The following RBMS3 variants were observed in gnomAD, a reference collection of about 807,000 sequenced individuals.
RBMS3 encodes RNA-binding motif, single-stranded-interacting protein 3.
A neutral mutation model predicts 66.8 loss-of-function variants in RBMS3; 27 were observed. That is an observed-to-expected ratio of 0.40 (90% confidence interval 0.30 to 0.56). The LOEUF is 0.56. Ranked by LOEUF, RBMS3 falls within the 20% of genes least tolerant of loss-of-function variation. The pLI, the probability that RBMS3 is intolerant of heterozygous loss-of-function variation, is 0.40. For missense variants in RBMS3, 513 were observed against 549.5 expected, an observed-to-expected ratio of 0.93 and a Z score of 0.66; for synonymous variants, 188 against 183.0, an observed-to-expected ratio of 1.03 and a Z score of -0.22.
intron 4 of RBMS3, among the ~76,000 whole-genome samples, chr3:29,636,098 C>T (rs1035825488): frequency 6.6e-6 from 1 of 151,326 alleles, no homozygotes; most frequent in African/African-American, 2.4e-5. Context: ...AAAGAATGTA[C>T]ACTGTGTAGA....
At chr3:29,947,230 T>G (rs1280655874) in intron 12 of RBMS3, among the ~76,000 whole-genome samples, 2 of 151,394 alleles carry the variant, frequency 1.3e-5, no homozygotes, top group Non-Finnish European at 3.0e-5. Flanking sequence ...CACAGTGGAC[T>G]TGAGGTGAAA....
chr3:29,337,934 AACAACTCTGTTGACTACCTT>A (rs1559498776), intron 1 of RBMS3, among the ~76,000 whole-genome samples: 1 of 152,170 alleles, frequency 6.6e-6, no homozygotes, highest in African/African-American at 2.4e-5. Context: ...TCACTTGGAA[AACAACTCTGTTGACTACCTT>A]ATAACCTTGG....
chr3:29,776,204 G>A (rs2056421242), intron 6 of RBMS3, among the ~76,000 whole-genome samples: 1 of 151,860 alleles, frequency 6.6e-6, no homozygotes, highest in Non-Finnish European at 1.5e-5. Flanking sequence ...AGATCCTCAC[G>A]GCCAGGATCC....
At chr3:29,921,202 A>C (rs565871935) in intron 10 of RBMS3, among the ~76,000 whole-genome samples, 28 of 151,870 alleles carry the variant, frequency 1.8e-4, no homozygotes, top group Non-Finnish European at 4.0e-4. Flanking sequence ...AGCTGGGATT[A>C]CAGGCGCCCG....
chr3:29,323,100 A>G (rs748971348), intron 1 of RBMS3, among the ~76,000 whole-genome samples: 1 of 152,162 alleles, frequency 6.6e-6, no homozygotes, highest in African/African-American at 2.4e-5. Flanking sequence ...TCAAGAAGTC[A>G]AGAAAGACTG....
At chr3:29,321,718 A>G (rs376713878) in intron 1 of RBMS3, among the ~76,000 whole-genome samples, 2 of 152,218 alleles carry the variant, frequency 1.3e-5, no homozygotes, top group South Asian at 2.1e-4. Flanking sequence ...ATCAATCCAA[A>G]TAATAAATTA....
At chr3:29,825,710 A>G (rs1243639513) in intron 6 of RBMS3, among the ~76,000 whole-genome samples, 1 of 152,194 alleles carries the variant, frequency 6.6e-6, no homozygotes, top group Non-Finnish European at 1.5e-5. Flanking sequence ...AGTCTTGGGT[A>G]TGTCTTTATT....
chr3:29,432,176 G>T (rs1294839763), intron 1 of RBMS3, among the ~76,000 whole-genome samples: 2 of 152,144 alleles, frequency 1.3e-5, no homozygotes, highest in Non-Finnish European at 2.9e-5. Flanking sequence ...AGAAAAGGAG[G>T]TTTCCAGGAG....
chr3:29,740,788 T>C (rs1313979692), intron 5 of RBMS3, among the ~76,000 whole-genome samples: 2 of 152,174 alleles, frequency 1.3e-5, no homozygotes, highest in Non-Finnish European at 2.9e-5. Flanking sequence ...ACGCCTGTAA[T>C]CTCAGCACTT....
intron 6 of RBMS3, among the ~76,000 whole-genome samples, chr3:29,795,517 G>C (rs1046912625): frequency 8.5e-5 from 13 of 152,256 alleles, no homozygotes; most frequent in South Asian, 2.1e-4. Context: ...TCAACTTTAT[G>C]AAATCCAGAA....
At chr3:29,366,861 A>G (rs2037937307) in intron 1 of RBMS3, among the ~76,000 whole-genome samples, 1 of 152,200 alleles carries the variant, frequency 6.6e-6, no homozygotes, top group South Asian at 2.1e-4. Flanking sequence ...CCATTTTTAA[A>G]AAATCTATAG....
In RBMS3 at chr3:29,482,701, C is replaced by CTTTCTTTCTT. The variant is rs759435190; in HGVS notation, c.249-5737_249-5736insCTTTCTTTTT. On this transcript the variant is annotated intron_variant, in intron 2 of 14. Coordinates refer to ENST00000383767, the MANE Select transcript of RBMS3 (RefSeq NM_001003793.3). ...AGTCTACCATTTTCTTTCTTTCTTTCTTTTTTTTTTTTTTTTTTTTTTTTG... is the reference window on the plus strand; with the variant it reads ...AGTCTACCATTTTCTTTCTTTCTTTCTTTCTTTCTTTTTTTTTTTTTTTTTTTTTTTTTTG... Among the ~76,000 whole-genome samples the CTTTCTTTCTT allele has an allele frequency of 7.0e-3, 539 of 77,494 alleles. 8 individuals carry two copies. Among genetic ancestry groups the CTTTCTTTCTT allele is most frequent in the Admixed American group, 0.013 (65 of 5,144 alleles). The allele number at this position is 77,494 out of a possible 152,430, so 50.8% of individuals were successfully genotyped here. A position where few individuals can be genotyped will look rare whatever the true frequency, so the allele number is the denominator to read the frequency against.
intron 3 of RBMS3, among the ~76,000 whole-genome samples, chr3:29,555,535 T>C (rs1274181781): frequency 2.0e-5 from 3 of 152,178 alleles, no homozygotes; most frequent in African/African-American, 7.2e-5. Context: ...CTTTTCATGC[T>C]GTGTTGCTGA....
chr3:29,574,859 A>ACACC (rs2149073138), intron 3 of RBMS3, among the ~76,000 whole-genome samples: 1 of 150,952 alleles, frequency 6.6e-6, no homozygotes, highest in South Asian at 2.1e-4. Flanking sequence ...ACACACACAC[A>ACACC]CACAAGAAAA....
At chr3:29,348,983 A>C (rs1392057447) in intron 1 of RBMS3, among the ~76,000 whole-genome samples, 1 of 152,058 alleles carries the variant, frequency 6.6e-6, no homozygotes, top group East Asian at 1.9e-4. Flanking sequence ...TAACCCTGCT[A>C]GTGTCAAAGT....
chr3:29,907,970 C>T (rs906965628), intron 10 of RBMS3, among the ~76,000 whole-genome samples: 9 of 151,964 alleles, frequency 5.9e-5, no homozygotes, highest in African/African-American at 2.2e-4. Context: ...AAGGTTGGCC[C>T]GGTGTGGTGA....
At chr3:29,819,496 C>T (rs763390970) in intron 6 of RBMS3, among the ~76,000 whole-genome samples, 15 of 152,156 alleles carry the variant, frequency 9.9e-5, no homozygotes, top group Admixed American at 6.5e-5. Flanking sequence ...TTTTAAATAG[C>T]ATCAAAATGT....
At chr3:29,940,810 G>C (rs1489930197) in intron 11 of RBMS3, among the ~76,000 whole-genome samples, 1 of 150,838 alleles carries the variant, frequency 6.6e-6, no homozygotes, top group African/African-American at 2.4e-5. Context: ...TTTATTTCAG[G>C]GGTCTGCTGA....
chr3:29,351,023 T>C (rs4413283), intron 1 of RBMS3, among the ~76,000 whole-genome samples: 27,227 of 152,056 alleles, frequency 0.18, 2,554 homozygotes, highest in Admixed American at 0.24. Flanking sequence ...TATTTGCACA[T>C]ATATAAAGTT....
Sources: allele counts gnomAD v4.1 joint callset (sites outside exome capture counted in the v4.1 genomes callset), GRCh38; gene constraint gnomAD v4.1.1; transcripts MANE v1.5; gene names NCBI Gene and HGNC (gene_info 2026-07-23, HGNC 2026-07-21).